Variants in MAD1L1 observed in about 807,000 individuals in gnomAD.
MAD1L1 encodes mitotic spindle assembly checkpoint protein MAD1.
MAD1L1 carries 95 observed loss-of-function variants against 96.9 expected under a neutral mutation model. The observed-to-expected ratio is 0.98, with a 90% CI of 0.83 to 1.16. MAD1L1 has a LOEUF of 1.16. MAD1L1 is among the 50% of genes most tolerant of loss of function. MAD1L1 has a pLI of 0.00. For missense variants in MAD1L1, 1,007 were observed against 954.4 expected (o/e 1.06, Z -0.73); for synonymous variants, 473 against 396.6 (o/e 1.19, Z -2.29).
intron 12 of MAD1L1, among the ~76,000 whole-genome samples, chr7:2,016,075 G>A (rs547533441): frequency 1.3e-5 from 2 of 152,280 alleles, no homozygotes; most frequent in East Asian, 1.9e-4. Context: ...TTGATAAGAT[G>A]GGAAATGGGG....
rs533581783 is a variant in MAD1L1 at position 1,990,276 on chromosome 7, G to C, written c.1417-9735C>G. Among the ~76,000 whole-genome samples, 348 of 152,328 alleles carry C rather than the reference G, an allele frequency of 2.3e-3. 1 individual carries two copies. The highest frequency in any genetic ancestry group is 7.9e-3 in the African/African-American group (330 of 41,582). On this transcript the variant is annotated intron_variant, in intron 14 of 18. Transcript: ENST00000265854. ...GGGGCTGACTGGGGCAGAGGCTCCA[G>C]GTCTCCAAGAGATGAGAGGGTGCTG...
chr7:2,004,159 C>T (rs563538597), intron 13 of MAD1L1, among the ~76,000 whole-genome samples: 1 of 152,310 alleles, frequency 6.6e-6, no homozygotes, highest in Non-Finnish European at 1.5e-5. Flanking sequence ...CCAGCACCCA[C>T]AGGCCACCAG....
intron 11 of MAD1L1, among the ~76,000 whole-genome samples, chr7:2,070,890 C>T (rs1785092680): frequency 1.3e-5 from 2 of 152,228 alleles, no homozygotes; most frequent in South Asian, 4.1e-4. Flanking sequence ...AGTTTCATCC[C>T]TGGACTGACA....
intron 18 of MAD1L1, chr7:1,872,583 A>G (rs1360853083): frequency 6.6e-6 from 1 of 152,216 alleles, no homozygotes; most frequent in Non-Finnish European, 1.5e-5. Flanking sequence ...CAGGCTGAAA[A>G]TCACCTCCAG....
chr7:2,149,784 C>A (rs1789480835), intron 10 of MAD1L1, among the ~76,000 whole-genome samples: 1 of 152,242 alleles, frequency 6.6e-6, no homozygotes. Flanking sequence ...ACAGCCGCTT[C>A]AAAGTTCAAA....
At chr7:2,019,438 GAC>G (rs1782683511) in intron 12 of MAD1L1, among the ~76,000 whole-genome samples, 2 of 152,326 alleles carry the variant, frequency 1.3e-5, no homozygotes, top group South Asian at 4.1e-4. Flanking sequence ...GCTCCAATCT[GAC>G]ACAGACCAGC....
At chr7:1,935,525 G>A (rs1778546958) in intron 17 of MAD1L1, among the ~76,000 whole-genome samples, 1 of 152,186 alleles carries the variant, frequency 6.6e-6, no homozygotes, top group African/African-American at 2.4e-5. Context: ...TGGCTTATGG[G>A]GGTGGGGCAC....
intron 18 of MAD1L1, among the ~76,000 whole-genome samples, chr7:1,823,796 C>T (rs1782248747): frequency 6.6e-6 from 1 of 152,176 alleles, no homozygotes; most frequent in Non-Finnish European, 1.5e-5. Context: ...TGAGAAGCCG[C>T]AGCTGCTGGG....
chr7:2,045,575 A>G (rs1783883755), intron 12 of MAD1L1, among the ~76,000 whole-genome samples: 1 of 152,202 alleles, frequency 6.6e-6, no homozygotes, highest in African/African-American at 2.4e-5. Context: ...AGTGGATCTA[A>G]TTTATTTAGA....
intron 11 of MAD1L1, among the ~76,000 whole-genome samples, chr7:2,125,336 G>A (rs1212067978): frequency 6.6e-6 from 1 of 152,118 alleles, no homozygotes; most frequent in Non-Finnish European, 1.5e-5. Context: ...GGGACAAAGA[G>A]GACACAAGCA....
intron 11 of MAD1L1, among the ~76,000 whole-genome samples, chr7:2,106,019 T>TGGCCCCGCGCCTGCCCCACACAC (rs1562692767): frequency 1.9e-5 from 1 of 53,340 alleles, no homozygotes; most frequent in Non-Finnish European, 3.3e-5. Context: ...GCCCCACACA[T>TGGCCCCGCGCCTGCCCCACACAC]GGCCCCGCCC....
rs977983788 is a variant in MAD1L1 at position 1,815,867 on chromosome 7, G to A, written c.*203C>T. The A allele has an allele frequency of 2.3e-5, 13 of 567,020 alleles. No homozygotes were observed. Among genetic ancestry groups the A allele is most frequent in the Admixed American group, 3.4e-5 (1 of 29,742 alleles). 35.1% of individuals were successfully genotyped at this position (567,020 alleles called of 1,614,324 possible). Reference sequence around the variant, plus strand: ...GGCCGACGCCCACACACCAGGCTCCGGGACGCATGGGGTCTGCACGTGGAG... The same window carrying A: ...GGCCGACGCCCACACACCAGGCTCCAGGACGCATGGGGTCTGCACGTGGAG... On this transcript the variant is annotated 3_prime_UTR_variant, in exon 19 of 19. Transcript: ENST00000265854.
intron 11 of MAD1L1, among the ~76,000 whole-genome samples, chr7:2,093,654 G>C (rs1786328420): frequency 6.6e-6 from 1 of 152,206 alleles, no homozygotes; most frequent in African/African-American, 2.4e-5. Flanking sequence ...ACAGCTCACA[G>C]AATGTGGGGA....
intron 10 of MAD1L1, among the ~76,000 whole-genome samples, chr7:2,168,268 G>A (rs77805334): frequency 6.6e-6 from 1 of 151,566 alleles, no homozygotes; most frequent in Non-Finnish European, 1.5e-5. Context: ...CTGGGTGACA[G>A]AGCGAGACTG....
Position 2,146,960 on chromosome 7 carries a change from C to G in MAD1L1, c.1073+2192G>C, listed in dbSNP as rs935815160. On this transcript the variant is annotated intron_variant, in intron 11 of 18. Coordinates refer to ENST00000265854, the MANE Select transcript of MAD1L1 (RefSeq NM_001013836.2). The surrounding 1 kb of genome is among the most constrained non-coding windows in gnomAD (Gnocchi z 6.2). ...GGACTCATCCACACCTCATTGGCCA[C>G]TGCCAGCGCTGCCTGTCCTAGGGTC... 6.6e-6 allele frequency among the ~76,000 whole-genome samples: 1 copy of G among 152,200 alleles called. No homozygotes were observed. The highest frequency in any genetic ancestry group is 1.5e-5 in the Non-Finnish European group (1 of 68,038).
rs192969096 is a variant in MAD1L1, at chr7:1,828,953, A to G, written c.1999-12725T>C. 6.8e-4 allele frequency among the ~76,000 whole-genome samples: 103 copies of G among 152,362 alleles called. 3 individuals carry two copies. The East Asian group carries it at 0.011, about 17-fold the overall frequency. On this transcript the variant is annotated intron_variant, in intron 18 of 18. Transcript: ENST00000265854. The stretch of plus-strand genomic sequence containing the variant: ...AGTACGGGGGACGGATCCATGCCAG[A>G]TCAGACATGGCGAAAACAGGATCAG...
chr7:2,054,902 G>C (rs986759512), intron 12 of MAD1L1, among the ~76,000 whole-genome samples: 1 of 152,244 alleles, frequency 6.6e-6, no homozygotes, highest in Non-Finnish European at 1.5e-5. Flanking sequence ...CGGTACTCAG[G>C]GCTGCTCCTT....
intron 18 of MAD1L1, among the ~76,000 whole-genome samples, chr7:1,850,114 C>T (rs1191606503): frequency 6.6e-6 from 1 of 152,174 alleles, no homozygotes; most frequent in Non-Finnish European, 1.5e-5. Flanking sequence ...CACTCTCGTT[C>T]GCCTTAATCT....
intron 17 of MAD1L1, among the ~76,000 whole-genome samples, chr7:1,913,973 T>TG (rs1418718465): frequency 4.0e-5 from 6 of 151,662 alleles, no homozygotes; most frequent in Non-Finnish European, 8.8e-5. Flanking sequence ...GACGCCATGC[T>TG]GGGGGGGGAG....
Sources: allele counts gnomAD v4.1 joint callset (sites outside exome capture counted in the v4.1 genomes callset), GRCh38; gene constraint gnomAD v4.1.1; non-coding constraint Gnocchi (gnomAD v3.1); transcripts MANE v1.5; gene names NCBI Gene and HGNC (gene_info 2026-07-23, HGNC 2026-07-21).